Variants in SEMA3C observed in about 807,000 individuals in gnomAD.
SEMA3C encodes semaphorin-3C.
Under a neutral mutation model 89.4 loss-of-function variants are expected in SEMA3C, and 47 were observed. The observed-to-expected ratio is 0.53, with a 90% CI of 0.42 to 0.67. The LOEUF is 0.67. Ranked by LOEUF, SEMA3C falls within the 30% of genes least tolerant of loss-of-function variation. The pLI is 0.00. For synonymous variants in SEMA3C, 310 were observed against 320.2 expected (o/e 0.97, Z 0.34); for missense variants, 839 against 929.1 (o/e 0.90, Z 1.26).
chr7:80,750,435 CAT>C (rs71520704), intron 16 of SEMA3C, among the ~76,000 whole-genome samples: 906 of 70,916 alleles, frequency 0.013, 8 homozygotes, highest in East Asian at 0.025. Flanking sequence ...TACATACGTA[CAT>C]ATATATATAT....
At chr7:80,886,819 C>A (rs979659591) in intron 2 of SEMA3C, among the ~76,000 whole-genome samples, 5 of 152,058 alleles carry the variant, frequency 3.3e-5, no homozygotes, top group African/African-American at 1.2e-4. Context: ...TTTATTCTAA[C>A]CTTAAATTAT....
At chr7:80,866,606 A>G (rs2116024446) in intron 2 of SEMA3C, among the ~76,000 whole-genome samples, 1 of 152,334 alleles carries the variant, frequency 6.6e-6, no homozygotes, top group South Asian at 2.1e-4. Context: ...GAAAGGTGCC[A>G]CAATAGCTGG....
At chr7:80,828,031 T>C (rs1049095432) in intron 3 of SEMA3C, among the ~76,000 whole-genome samples, 4 of 152,116 alleles carry the variant, frequency 2.6e-5, no homozygotes, top group African/African-American at 4.8e-5. Context: ...TTGGCAATAA[T>C]CATTAATTTT....
intron 2 of SEMA3C, among the ~76,000 whole-genome samples, chr7:80,857,582 G>T (rs1034097296): frequency 2.0e-5 from 3 of 152,070 alleles, no homozygotes; most frequent in African/African-American, 7.2e-5. Context: ...GTGCTACAAA[G>T]GGGTCTCTCC....
intron 15 of SEMA3C, among the ~76,000 whole-genome samples, chr7:80,754,248 G>GT (rs76090017): frequency 1.7e-4 from 26 of 151,904 alleles, no homozygotes; most frequent in African/African-American, 3.1e-4. Context: ...GTTTACTATA[G>GT]TTTTTTTTAA....
At chr7:80,753,112 A>G (rs1787975088) in intron 15 of SEMA3C, among the ~76,000 whole-genome samples, 1 of 152,200 alleles carries the variant, frequency 6.6e-6, no homozygotes, top group Non-Finnish European at 1.5e-5. Flanking sequence ...GAATAGGTAT[A>G]AAATTTTGTA....
intron 15 of SEMA3C, among the ~76,000 whole-genome samples, chr7:80,753,912 T>C (rs1322286667): frequency 1.3e-5 from 2 of 149,768 alleles, no homozygotes; most frequent in African/African-American, 5.0e-5. Context: ...ATGCTTTTAT[T>C]GTTTACTAGA....
intron 12 of SEMA3C, among the ~76,000 whole-genome samples, chr7:80,774,208 A>G (rs72612620): frequency 0.071 from 10,874 of 152,238 alleles, 595 homozygotes; most frequent in East Asian, 0.25. Context: ...CTAATAATAA[A>G]GTGCTTGCTA....
intron 2 of SEMA3C, among the ~76,000 whole-genome samples, chr7:80,873,974 C>T (rs6965398): frequency 0.14 from 21,031 of 152,098 alleles, 2,536 homozygotes; most frequent in African/African-American, 0.32. Flanking sequence ...TCTTGCAACT[C>T]AACTTACCTT....
rs186189457 is a variant in SEMA3C at position 80,750,164 on chromosome 7, C to T, written c.1711+1105G>A. ...TTTTTGAAACAGCACACCTGTAGCA[C>T]CTTGACGAGCCACAAGGAAGGTCTG... On this transcript the variant is annotated intron_variant, in intron 16 of 17. Transcript: ENST00000265361. 3.0e-3 allele frequency among the ~76,000 whole-genome samples: 460 copies of T among 151,942 alleles called. 1 individual carries two copies. Among genetic ancestry groups the T allele is most frequent in the Non-Finnish European group, 2.7e-3 (183 of 67,944 alleles).
At chr7:80,795,950 C>T (rs377203277) in intron 11 of SEMA3C, among the ~76,000 whole-genome samples, 5 of 152,338 alleles carry the variant, frequency 3.3e-5, no homozygotes, top group African/African-American at 1.2e-4. Flanking sequence ...ATGCTGGCTC[C>T]AGCACAGACT....
At chr7:80,874,719 C>T (rs1483103823) in intron 2 of SEMA3C, among the ~76,000 whole-genome samples, 1 of 151,946 alleles carries the variant, frequency 6.6e-6, no homozygotes, top group Non-Finnish European at 1.5e-5. Context: ...CCACCCACCT[C>T]GGCCTCCCAA....
chr7:80,864,011 GTATATCACATA>G (rs993702219), intron 2 of SEMA3C, among the ~76,000 whole-genome samples: 4 of 150,384 alleles, frequency 2.7e-5, no homozygotes, highest in Non-Finnish European at 4.4e-5. Flanking sequence ...TATATCGCAT[GTATATCACATA>G]TATATCACAT....
At chr7:80,761,282 T>C (rs10246081) in intron 14 of SEMA3C, among the ~76,000 whole-genome samples, 9,477 of 152,218 alleles carry the variant, frequency 0.062, 603 homozygotes, top group African/African-American at 0.15. Flanking sequence ...TAGCCCAAAC[T>C]TTATGCTAAA....
chr7:80,863,935 CATAT>C (rs1294885009), intron 2 of SEMA3C, among the ~76,000 whole-genome samples: 1 of 125,456 alleles, frequency 8.0e-6, no homozygotes, highest in Admixed American at 7.7e-5. Flanking sequence ...ATATATATCA[CATAT>C]ATAATATGTA....
At chr7:80,818,841 A>C (rs954534839) in intron 4 of SEMA3C, among the ~76,000 whole-genome samples, 1 of 152,178 alleles carries the variant, frequency 6.6e-6, no homozygotes, top group African/African-American at 2.4e-5. Context: ...GTAATTTGAG[A>C]GTACTTATCT....
Position 80,918,988 on chromosome 7 carries a change from C to T in SEMA3C, c.-199G>A. The T allele has an allele frequency of 3.0e-6, 3 of 985,418 alleles. No individual in the cohort carries two copies. Among genetic ancestry groups the T allele is most frequent in the Non-Finnish European group, 3.6e-6 (3 of 829,934 alleles). The allele number at this position is 985,418 out of a possible 1,614,324, so 61.0% of individuals were successfully genotyped here. ...TCTGAGTTTCTTTGTAAAGGAATCT[C>T]AGCGCTGCAGTGCCGCGGCACCCGG... is the stretch of plus-strand genomic sequence containing the variant. On this transcript the variant is annotated 5_prime_UTR_variant, in exon 1 of 18. Transcript: ENST00000265361.
At chr7:80,898,013 G>T (rs181350429) in intron 2 of SEMA3C, among the ~76,000 whole-genome samples, 2 of 152,218 alleles carry the variant, frequency 1.3e-5, no homozygotes, top group Admixed American at 6.5e-5. Flanking sequence ...TAATTTAGGG[G>T]CTGTTTATAT....
intron 2 of SEMA3C, among the ~76,000 whole-genome samples, chr7:80,859,380 T>C (rs1391411863): frequency 2.0e-5 from 3 of 152,168 alleles, no homozygotes; most frequent in Non-Finnish European, 2.9e-5. Context: ...TGTGGTTGTA[T>C]TGAAAAAGTA....
Sources: gnomAD v4.1 joint callset for allele counts (sites outside exome capture counted in the v4.1 genomes callset) on GRCh38, gnomAD v4.1.1 for gene constraint, MANE v1.5 for transcripts, NCBI Gene and HGNC (gene_info 2026-07-23, HGNC 2026-07-21) for gene names.